The following CLPTM1 variants were observed in gnomAD, a reference collection of about 807,000 sequenced individuals.
CLPTM1 encodes the protein CLPTM1 regulator of GABA type A receptor forward trafficking.
Under a neutral mutation model 77.3 loss-of-function variants are expected in CLPTM1, and 21 were observed. The ratio of observed to expected loss-of-function variants is 0.27; its 90% CI spans 0.19 to 0.39. The LOEUF (loss-of-function observed/expected upper bound fraction) is 0.39, where lower values mean the gene tolerates loss of function less well. Among genes scored for constraint, CLPTM1 ranks in the 10% least tolerant of loss-of-function variants. The pLI, the probability that CLPTM1 is intolerant of heterozygous loss-of-function variation, is 1.00. For missense variants in CLPTM1, 642 were observed against 921.2 expected, an observed-to-expected ratio of 0.70 and a Z score of 3.92; for synonymous variants, 373 against 381.0, an observed-to-expected ratio of 0.98 and a Z score of 0.24.
At position 44,992,596 on chromosome 19, in the gene CLPTM1, C is replaced by T; in HGVS notation, c.1724-15C>T. The T allele has an allele frequency of 6.2e-7, 1 of 1,613,138 alleles. No homozygotes were observed. Among genetic ancestry groups the T allele is most frequent in the Non-Finnish European group, 8.5e-7 (1 of 1,179,738 alleles). ...GGGCCAGCCCGACCTCACACTGCCT[C>T]CCACCCCTCTCCAGATGTGGTTTTC... On this transcript the variant is annotated splice_polypyrimidine_tract_variant and intron_variant, in intron 13 of 13. Transcript: ENST00000337392. This position sits in a 1 kb window ranked among gnomAD's most constrained non-coding sequence, Gnocchi z 7.7.
At position 44,991,993 on chromosome 19, in the gene CLPTM1, G is replaced by A. The variant is rs1439130269; in HGVS notation, c.1556-240G>A. Among the ~76,000 whole-genome samples, 2 of 152,098 alleles carry A rather than the reference G, an allele frequency of 1.3e-5. No individual in the cohort carries two copies. Among genetic ancestry groups the A allele is most frequent in the African/African-American group, 4.8e-5 (2 of 41,388 alleles). On this transcript the variant is annotated intron_variant, in intron 12 of 13. Coordinates refer to ENST00000337392, the MANE Select transcript of CLPTM1 (RefSeq NM_001294.4). The surrounding 1 kb of genome is among the most constrained non-coding windows in gnomAD (Gnocchi z 5.4). ...AGGATGCACATTAATAGGGGTCCGGGGGCCCCTCTGAGGACAGGACATTTA... is the reference window on the plus strand; with the variant it reads ...AGGATGCACATTAATAGGGGTCCGGAGGCCCCTCTGAGGACAGGACATTTA...
In CLPTM1 at chr19:44,991,670, G is replaced by A. The variant is rs1476310076; in HGVS notation, c.1555+297G>A. ...TGTTATCCCAATGCTTTGGGAGGCT[G>A]AGGCAGGAGGATCACTTGAGCCCAG... On this transcript the variant is annotated intron_variant, in intron 12 of 13. Coordinates refer to ENST00000337392, the MANE Select transcript of CLPTM1 (RefSeq NM_001294.4). This position sits in a 1 kb window ranked among gnomAD's most constrained non-coding sequence, Gnocchi z 5.4. Among the ~76,000 whole-genome samples, 1 of 152,180 alleles carries A rather than the reference G, an allele frequency of 6.6e-6. No homozygotes were observed. Among genetic ancestry groups the A allele is most frequent in the Non-Finnish European group, 1.5e-5 (1 of 68,024 alleles).
chr19:44,955,204 G>T, upstream of CLPTM1: 2 of 1,531,626 alleles, frequency 1.3e-6, no homozygotes, highest in Admixed American at 3.9e-5. Flanking sequence ...CGGGCTGGGA[G>T]AAAGACGAGT....
rs183876700 is a variant in CLPTM1, at chr19:44,960,766, G to A, written c.73-1197G>A. Among the ~76,000 whole-genome samples, 24 of 152,300 alleles carry A rather than the reference G, an allele frequency of 1.6e-4. No homozygotes were observed. The South Asian group carries it at 2.9e-3, about 18-fold the overall frequency. On this transcript the variant is annotated intron_variant, in intron 1 of 13. Transcript: ENST00000337392. ...GTGGGTTTGGGTGACCTGAGCGTCC[G>A]GGGTGAGTCCTTCAGGCAGCGGTGG...
In CLPTM1 at chr19:44,992,884, A is replaced by G; in HGVS notation, c.1997A>G (p.Lys666Arg). The change falls in exon 14 of 14, where the codon AAG becomes AGG. Residue 666 changes from lysine to arginine, a missense_variant. Around this residue, in one of 2 missense-constraint regions of CLPTM1, gnomAD observed 521 missense variants for 800.4 expected, o/e 0.65. Coordinates refer to ENST00000337392, the MANE Select transcript of CLPTM1 (RefSeq NM_001294.4). The surrounding 1 kb of genome is among the most constrained non-coding windows in gnomAD (Gnocchi z 7.7). ...QEAPPKPAED[K>R]KKD is the part of the protein sequence containing the mutation. ...GCCCCTCCAAAGCCAGCAGAGGACA[A>G]GAAAAAGGATTAGTCGAGACTGGTC... 6.2e-7 allele frequency: 1 copy of G among 1,613,676 alleles called. No homozygotes were observed. The highest frequency in any genetic ancestry group is 8.5e-7 in the Non-Finnish European group (1 of 1,179,866).
At position 44,990,612 on chromosome 19, in the gene CLPTM1, G is replaced by A. The variant is rs373269795; in HGVS notation, c.1323+27G>A. On this transcript the variant is annotated intron_variant, in intron 10 of 13. Transcript: ENST00000337392. This position sits in a 1 kb window ranked among gnomAD's most constrained non-coding sequence, Gnocchi z 4.8. ...TAAGGCTGGGGCGCCATGCTGTCTCGGGAGCTGCAGGGGTTGGGAGGGGGT... is the reference window on the plus strand; with the variant it reads ...TAAGGCTGGGGCGCCATGCTGTCTCAGGAGCTGCAGGGGTTGGGAGGGGGT... 2.3e-5 allele frequency: 37 copies of A among 1,608,140 alleles called. No homozygotes were observed. The highest frequency in any genetic ancestry group is 2.2e-5 in the South Asian group (2 of 90,850).
At chr19:44,979,627 T>C (rs7257916) in intron 5 of CLPTM1, among the ~76,000 whole-genome samples, 60,645 of 152,002 alleles carry the variant, frequency 0.4, 13,468 homozygotes, top group Middle Eastern at 0.55. Flanking sequence ...AAATGAAAAG[T>C]TGACTCTATG....
chr19:44,966,905 G>A (rs1014579511), intron 2 of CLPTM1, among the ~76,000 whole-genome samples: 44 of 151,884 alleles, frequency 2.9e-4, no homozygotes, highest in African/African-American at 9.9e-4. Context: ...GCAGTGGCGC[G>A]ATCTCGGCTC....
upstream of CLPTM1, chr19:44,954,786 T>G (rs2122222098): frequency 7.5e-7 from 1 of 1,326,904 alleles, no homozygotes; most frequent in Non-Finnish European, 9.9e-7. Context: ...TCATCGGAGG[T>G]TTGTTGGCCG....
chr19:44,978,399 G>A (rs188170507), intron 5 of CLPTM1, among the ~76,000 whole-genome samples: 2 of 132,832 alleles, frequency 1.5e-5, no homozygotes, highest in East Asian at 2.1e-4. Flanking sequence ...GCAAGACTCC[G>A]TCTCCGTCTC....
intron 5 of CLPTM1, among the ~76,000 whole-genome samples, chr19:44,983,961 C>A (rs1970939348): frequency 6.6e-6 from 1 of 152,182 alleles, no homozygotes. Flanking sequence ...GACTCTGTCT[C>A]CAGAAAAAAA....
intron 5 of CLPTM1, among the ~76,000 whole-genome samples, chr19:44,980,200 A>T (rs971054687): frequency 6.6e-6 from 1 of 152,008 alleles, no homozygotes; most frequent in African/African-American, 2.4e-5. Context: ...GGTGAAGGAG[A>T]GTGTGAGTTC....
At chr19:44,956,272 G>A (rs2122226656) in intron 1 of CLPTM1, among the ~76,000 whole-genome samples, 1 of 152,284 alleles carries the variant, frequency 6.6e-6, no homozygotes, top group South Asian at 2.1e-4. Context: ...GAATGAAGCT[G>A]ACTCTCTGTG....
chr19:44,955,586 C>A (rs951336728), intron 1 of CLPTM1, 119 bp downstream of exon 1: 8 of 943,278 alleles, frequency 8.5e-6, no homozygotes, highest in Non-Finnish European at 1.1e-5. Flanking sequence ...CCAGAGGGAC[C>A]TTGAATACCC....
In CLPTM1 at chr19:44,977,397, T is replaced by C; in HGVS notation, c.523T>C (p.Phe175Leu). ...YIHVYFTKSG[F>L]HPDPRQKALY... ...CCACGTTTACTTCACCAAGAGTGGCTTCCACCCAGACCCCCGGCAGAAGGC... is the reference window on the plus strand; with the variant it reads ...CCACGTTTACTTCACCAAGAGTGGCCTCCACCCAGACCCCCGGCAGAAGGC... Residue 175 changes from phenylalanine (F) to leucine (L), a missense_variant, in exon 5 of 14, where the codon TTC becomes CTC. By Grantham distance (22) the Phe-to-Leu change is conservative (BLOSUM62 0). Around this residue, in one of 2 missense-constraint regions of CLPTM1, gnomAD observed 521 missense variants for 800.4 expected, o/e 0.65. Coordinates refer to ENST00000337392, the MANE Select transcript of CLPTM1 (RefSeq NM_001294.4). 1 of 1,610,152 alleles carries C rather than the reference T, an allele frequency of 6.2e-7. No individual in the cohort carries two copies.
In CLPTM1 at chr19:44,990,395, A is replaced by T; in HGVS notation, c.1133A>T (p.Asp378Val). Reference protein sequence around the residue: ...SVFEFLAFKNDIQFWNSRQSL... With the variant: ...SVFEFLAFKNVIQFWNSRQSL... ...GTTCCCCCCTACCCCCTGCGCACAGATATCCAGTTCTGGAACAGCCGGCAG... is the reference window on the plus strand; with the variant it reads ...GTTCCCCCCTACCCCCTGCGCACAGTTATCCAGTTCTGGAACAGCCGGCAG... Residue 378 changes from aspartate to valine, a missense_variant and splice_region_variant, in exon 10 of 14, where the codon GAT (aspartate) becomes GTT (valine). By Grantham distance (152) the Asp-to-Val change is radical. Transcript: ENST00000337392. The surrounding 1 kb of genome is among the most constrained non-coding windows in gnomAD (Gnocchi z 4.8). The T allele has an allele frequency of 6.2e-7, 1 of 1,613,910 alleles. No individual in the cohort carries two copies.
rs960887120 is a variant in CLPTM1 at position 44,992,616 on chromosome 19, G to A, written c.1729G>A (p.Val577Ile). The A allele has an allele frequency of 3.7e-6, 6 of 1,613,762 alleles. No individual in the cohort carries two copies. The highest frequency in any genetic ancestry group is 5.1e-6 in the Non-Finnish European group (6 of 1,179,916). The change falls in exon 14 of 14, where the codon GTT becomes ATT. Residue 577 changes from valine (V) to isoleucine (I), a missense_variant. Val to Ile is a conservative substitution (Grantham distance 29). This residue lies in a region of CLPTM1 where 521 missense variants were observed against 800.4 expected (regional missense o/e 0.65). Transcript: ENST00000337392. This position sits in a 1 kb window ranked among gnomAD's most constrained non-coding sequence, Gnocchi z 7.7. ...TGCCTCCCACCCCTCTCCAGATGTGGTTTTCTTCATCTACCTCTACCAACG... is the reference window on the plus strand; with the variant it reads ...TGCCTCCCACCCCTCTCCAGATGTGATTTTCTTCATCTACCTCTACCAACG... Reference protein sequence around the residue: ...YRIGCLRDDVVFFIYLYQRWI... With the variant: ...YRIGCLRDDVIFFIYLYQRWI...
chr19:44,962,217 G>A lies in CLPTM1; in HGVS notation c.185+142G>A, dbSNP rs560377561. 9 of 432,430 alleles carry A rather than the reference G, an allele frequency of 2.1e-5. No individual in the cohort carries two copies. In the East Asian group the frequency reaches 2.7e-4, roughly 13 times the overall value. The allele number at this position is 432,430 out of a possible 1,614,324, so 26.8% of individuals were successfully genotyped here. A position where few individuals can be genotyped will look rare whatever the true frequency, so the allele number is the denominator to read the frequency against. On this transcript the variant is annotated intron_variant, in intron 2 of 13. Transcript: ENST00000337392. Reference sequence around the variant, plus strand: ...TTTTTTCTTTTTTTTTTTGTATGATGGAATGTTTTCTAAACCTTTTTTTTA... The same window carrying A: ...TTTTTTCTTTTTTTTTTTGTATGATAGAATGTTTTCTAAACCTTTTTTTTA...
At chr19:44,977,590 G>C in intron 5 of CLPTM1, 130 bp downstream of exon 5, 2 of 743,078 alleles carry the variant, frequency 2.7e-6, no homozygotes, top group Non-Finnish European at 4.6e-6. Context: ...AAGAGGGTGG[G>C]ATTGGCAGGG....
Sources: allele counts gnomAD v4.1 joint callset (sites outside exome capture counted in the v4.1 genomes callset), GRCh38; gene constraint gnomAD v4.1.1; regional missense constraint gnomAD v4.1.1; non-coding constraint Gnocchi (gnomAD v3.1); transcripts MANE v1.5; gene names NCBI Gene and HGNC (gene_info 2026-07-23, HGNC 2026-07-21).